The following F13B variants were observed in gnomAD, a reference collection of about 807,000 sequenced individuals.
F13B encodes coagulation factor XIII B chain, also known as TGase.
Under a neutral mutation model 79.8 loss-of-function variants are expected in F13B, and 58 were observed. The ratio of observed to expected loss-of-function variants is 0.73; its 90% CI spans 0.59 to 0.90. F13B has a LOEUF of 0.90. Among genes scored for constraint, F13B ranks in the 40% least tolerant of loss-of-function variants. The probability of loss-of-function intolerance (pLI) is 0.00; values close to 1 mark genes in which losing one functional copy is unlikely to be tolerated. For synonymous variants in F13B, 283 were observed against 260.3 expected (o/e 1.09, Z -0.84); for missense variants, 773 against 777.0 (o/e 0.99, Z 0.06).
At chr1:197,045,688 C>G (rs1010120139) in intron 10 of F13B, among the ~76,000 whole-genome samples, 1 of 152,128 alleles carries the variant, frequency 6.6e-6, no homozygotes, top group African/African-American at 2.4e-5. Flanking sequence ...GATATCAAAG[C>G]CTGGCAGAGA....
chr1:197,048,150 A>G (rs922189045), intron 10 of F13B, among the ~76,000 whole-genome samples: 30 of 150,246 alleles, frequency 2.0e-4, no homozygotes, highest in Middle Eastern at 3.4e-3. Context: ...ATATATGTGT[A>G]TATATATATA....
intron 9 of F13B, among the ~76,000 whole-genome samples, chr1:197,051,743 C>T (rs539919980): frequency 2.6e-5 from 4 of 152,162 alleles, no homozygotes; most frequent in African/African-American, 9.6e-5. Flanking sequence ...GAATTGGGGT[C>T]ATAGGTATAA....
intron 1 of F13B, among the ~76,000 whole-genome samples, chr1:197,066,383 T>G (rs1656049047): frequency 6.6e-6 from 1 of 152,204 alleles, no homozygotes; most frequent in African/African-American, 2.4e-5. Flanking sequence ...TAATGCTAAG[T>G]GTCCTCCCTG....
chr1:197,044,023 G>A (rs532485470), intron 10 of F13B, among the ~76,000 whole-genome samples: 5 of 151,214 alleles, frequency 3.3e-5, no homozygotes, highest in East Asian at 3.9e-4. Flanking sequence ...GTTCCTATTC[G>A]GCCATCTTGG....
chr1:197,056,955 A>T (rs1220292013), intron 7 of F13B, 58 bp downstream of exon 7: 8 of 1,580,172 alleles, frequency 5.1e-6, no homozygotes, highest in African/African-American at 4.0e-5. Context: ...TTAAAGTAAC[A>T]GAATGGAAAA....
At chr1:197,059,194 C>T (rs145582383) in intron 5 of F13B, among the ~76,000 whole-genome samples, 24 of 151,952 alleles carry the variant, frequency 1.6e-4, no homozygotes, top group Middle Eastern at 3.4e-3. Context: ...CTAGCTTAGG[C>T]GACACAGCAG....
chr1:197,049,802 A>G (rs1655372964), intron 10 of F13B, among the ~76,000 whole-genome samples: 1 of 152,122 alleles, frequency 6.6e-6, no homozygotes, highest in East Asian at 1.9e-4. Flanking sequence ...AAAATATAAC[A>G]TATAATATGC....
At chr1:197,046,133 C>T (rs1256217162) in intron 10 of F13B, among the ~76,000 whole-genome samples, 1 of 152,166 alleles carries the variant, frequency 6.6e-6, no homozygotes, top group Non-Finnish European at 1.5e-5. Context: ...CTCACCACTC[C>T]TATTCAACAT....
chr1:197,060,979 C>T lies in F13B; in HGVS notation c.548G>A (p.Gly183Asp). ...CTTCTTTCCTCCAGCTGTGTAGTAGCCAGTAGCACATTCGTATTGTACTTT... is the reference window on the plus strand; with the variant it reads ...CTTCTTTCCTCCAGCTGTGTAGTAGTCAGTAGCACATTCGTATTGTACTTT... The part of the protein sequence containing the change: ...KDKVQYECAT[G>D]YYTAGGKKTE... Residue 183 changes from glycine (G) to aspartate (D), a missense_variant, in exon 4 of 12, where the codon GGC becomes GAC. Coordinates refer to ENST00000367412, the MANE Select transcript of F13B (RefSeq NM_001994.3). The T allele has an allele frequency of 6.2e-7, 1 of 1,612,298 alleles. No individual in the cohort carries two copies. The highest frequency in any genetic ancestry group is 8.5e-7 in the Non-Finnish European group (1 of 1,178,584).
At chr1:197,052,861 T>A (rs1655498629) in intron 8 of F13B, 27 bp from the exon 9 acceptor site, 4 of 1,540,548 alleles carry the variant, frequency 2.6e-6, no homozygotes, top group Non-Finnish European at 3.6e-6. Flanking sequence ...TCTTTTAAAT[T>A]CTTTACTTGT....
intron 10 of F13B, among the ~76,000 whole-genome samples, chr1:197,049,412 A>G (rs1655359525): frequency 6.6e-6 from 1 of 152,132 alleles, no homozygotes. Flanking sequence ...AACAAAAGAT[A>G]CATCAATAAA....
At chr1:197,060,849 A>G in intron 4 of F13B, 50 bp downstream of exon 4, 1 of 1,537,466 alleles carries the variant, frequency 6.5e-7, no homozygotes, top group Non-Finnish European at 9.0e-7. Context: ...CTTCTCTATG[A>G]GAAAAAGCTT....
At chr1:197,045,256 A>G (rs555718618) in intron 10 of F13B, among the ~76,000 whole-genome samples, 9 of 152,308 alleles carry the variant, frequency 5.9e-5, no homozygotes, top group African/African-American at 2.2e-4. Context: ...AACTACATAG[A>G]CTGAGAGCAA....
rs942762859 is a variant in F13B at position 197,038,841 on chromosome 1, C to T, written c.*537G>A. ...ACCTCATAAACAATTTGGTTATTAA[C>T]GTTGTAGCAAATATTACAGTTAATT... is the stretch of plus-strand genomic sequence containing the variant. On this transcript the variant is annotated 3_prime_UTR_variant, in exon 12 of 12. Coordinates refer to ENST00000367412, the MANE Select transcript of F13B (RefSeq NM_001994.3). Among the ~76,000 whole-genome samples, 1 of 151,958 alleles carries T rather than the reference C, an allele frequency of 6.6e-6. No individual in the cohort carries two copies. The highest frequency in any genetic ancestry group is 1.5e-5 in the Non-Finnish European group (1 of 67,976).
intron 10 of F13B, 132 bp downstream of exon 10, chr1:197,050,560 GATAAA>G (rs1241569273): frequency 1.3e-6 from 1 of 751,912 alleles, no homozygotes; most frequent in African/African-American, 1.8e-5. Flanking sequence ...AGAAAGCAGT[GATAAA>G]ATAAGCACAT....
In F13B at chr1:197,039,168, G is replaced by A; in HGVS notation, c.*210C>T. 1 of 535,184 alleles carries A rather than the reference G, an allele frequency of 1.9e-6. No homozygotes were observed. The highest frequency in any genetic ancestry group is 3.3e-6 in the Non-Finnish European group (1 of 302,304). The allele number at this position is 535,184 out of a possible 1,614,324, so 33.2% of individuals were successfully genotyped here. The stretch of plus-strand genomic sequence containing the variant: ...TAACAGATGGAAGACATACAAAAGA[G>A]ATTAAGTTCTACATCAAATCATACA... On this transcript the variant is annotated 3_prime_UTR_variant, in exon 12 of 12. Transcript: ENST00000367412.
intron 10 of F13B, among the ~76,000 whole-genome samples, chr1:197,048,335 A>G (rs1655310547): frequency 6.6e-6 from 1 of 151,856 alleles, no homozygotes; most frequent in East Asian, 1.9e-4. Context: ...AAGGGAAAAA[A>G]TTATAAACTG....
intron 10 of F13B, among the ~76,000 whole-genome samples, chr1:197,046,117 C>T (rs1655219670): frequency 1.3e-5 from 2 of 152,162 alleles, no homozygotes; most frequent in South Asian, 2.1e-4. Flanking sequence ...GACAGGGATG[C>T]CCTCTCTCAC....
Position 197,052,607 on chromosome 1 carries a change from TA to T in F13B, c.1555+26del, listed in dbSNP as rs753845624. On this transcript the variant is annotated intron_variant, in intron 9 of 11. Coordinates refer to ENST00000367412, the MANE Select transcript of F13B (RefSeq NM_001994.3). ...GTAGCAGATATTGGTCAAGTAAAGA[TA>T]CTTGCAGAGAACATTATTATTTTAC... 3 of 1,537,452 alleles carry T rather than the reference TA, an allele frequency of 2.0e-6. No homozygotes were observed. In the African/African-American group the frequency reaches 4.1e-5, roughly 21 times the overall value.
Sources: gnomAD v4.1 joint callset for allele counts (sites outside exome capture counted in the v4.1 genomes callset) on GRCh38, gnomAD v4.1.1 for gene constraint, MANE v1.5 for transcripts, NCBI Gene and HGNC (gene_info 2026-07-23, HGNC 2026-07-21) for gene names.